Variants in CAST observed in about 807,000 individuals in gnomAD.
The protein encoded by CAST is MIR583 host.
Under a neutral mutation model 119.6 loss-of-function variants are expected in CAST, and 76 were observed. The observed-to-expected ratio is 0.64, with a 90% CI of 0.53 to 0.77. CAST has a LOEUF of 0.77. CAST is among the 30% of genes least tolerant of loss of function. The pLI is 0.00. For missense variants in CAST, 953 were observed against 946.5 expected, an observed-to-expected ratio of 1.01 and a Z score of -0.09; for synonymous variants, 319 against 331.6, an observed-to-expected ratio of 0.96 and a Z score of 0.41.
At chr5:96,479,825 A>G in the CAST span, among the ~76,000 whole-genome samples, 1 of 152,022 alleles carries the variant, frequency 6.6e-6, no homozygotes, top group Non-Finnish European at 1.5e-5. Flanking sequence ...AATTGTAGTA[A>G]ATTATAGGAA....
At chr5:96,238,932 AG>A in the CAST span, among the ~76,000 whole-genome samples, 1 of 152,154 alleles carries the variant, frequency 6.6e-6, no homozygotes, top group Non-Finnish European at 1.5e-5. Context: ...GTGGGTTTCT[AG>A]ACATAGAATT....
chr5:96,283,137 A>AAGAAAAAAG, the CAST span, among the ~76,000 whole-genome samples: 2 of 132,984 alleles, frequency 1.5e-5, 1 homozygote, highest in Non-Finnish European at 3.1e-5. Flanking sequence ...CTCAAAAAAA[A>AAGAAAAAAG]AAAAAAAAGA....
the CAST span, among the ~76,000 whole-genome samples, chr5:96,446,819 A>T: frequency 6.6e-6 from 1 of 152,194 alleles, no homozygotes; most frequent in African/African-American, 2.4e-5. Context: ...CTGGGCTAGA[A>T]AAAAAGAGTT....
the CAST span, among the ~76,000 whole-genome samples, chr5:96,114,869 T>C: frequency 2.6e-5 from 4 of 152,228 alleles, no homozygotes; most frequent in African/African-American, 9.6e-5. Flanking sequence ...CTGTTTTCTC[T>C]GCTCAAGTTT....
chr5:96,188,394 T>C, the CAST span, among the ~76,000 whole-genome samples: 1 of 152,208 alleles, frequency 6.6e-6, no homozygotes, highest in Non-Finnish European at 1.5e-5. Flanking sequence ...ATATGAGTGA[T>C]GATTTTCTTC....
At chr5:96,039,732 A>G in the CAST span, among the ~76,000 whole-genome samples, 1 of 152,126 alleles carries the variant, frequency 6.6e-6, no homozygotes, top group East Asian at 1.9e-4. Context: ...ATTGGTTTAT[A>G]TATCTGTTTT....
the CAST span, chr5:96,110,941 A>G: frequency 6.6e-6 from 1 of 152,178 alleles, no homozygotes; most frequent in Non-Finnish European, 1.5e-5. Flanking sequence ...TAGACCAAGA[A>G]ATTCTCGAGT....
At chr5:96,041,295 C>T in the CAST span, among the ~76,000 whole-genome samples, 1 of 151,996 alleles carries the variant, frequency 6.6e-6, no homozygotes, top group Non-Finnish European at 1.5e-5. Flanking sequence ...GGTCCTCCTC[C>T]CCAAAACTCA....
At chr5:96,069,296 G>T in the CAST span, among the ~76,000 whole-genome samples, 3 of 151,302 alleles carry the variant, frequency 2.0e-5, no homozygotes, top group African/African-American at 7.3e-5. Flanking sequence ...AAGAATTTAA[G>T]ATTTATTTTA....
chr5:96,146,104 C>T, the CAST span, among the ~76,000 whole-genome samples: 1 of 152,096 alleles, frequency 6.6e-6, no homozygotes, highest in Non-Finnish European at 1.5e-5. Context: ...GGTGGAGAAA[C>T]AGATTCCACC....
At chr5:96,148,050 C>T in the CAST span, among the ~76,000 whole-genome samples, 68 of 152,246 alleles carry the variant, frequency 4.5e-4, no homozygotes, top group Non-Finnish European at 8.4e-4. Context: ...TCTTTTCTTA[C>T]GGTGACTTCA....
At chr5:96,432,712 C>T in the CAST span, 3 of 662,790 alleles carry the variant, frequency 4.5e-6, no homozygotes, top group African/African-American at 3.7e-5. Context: ...TCTCTCCAAG[C>T]GCGACAGGGG....
intron 1 of CAST, among the ~76,000 whole-genome samples, chr5:96,651,407 T>C (rs975743175): frequency 6.6e-6 from 1 of 152,220 alleles, no homozygotes; most frequent in Non-Finnish European, 1.5e-5. Flanking sequence ...ACATCATTAC[T>C]TGGTTGTATC....
the CAST span, chr5:96,415,952 A>C: frequency 1.1e-6 from 1 of 887,646 alleles, no homozygotes; most frequent in South Asian, 1.3e-5. Context: ...TTAAAAAGAA[A>C]AGCTCCCCTC....
intron 5 of CAST, among the ~76,000 whole-genome samples, chr5:96,727,216 A>G (rs976102170): frequency 6.6e-6 from 1 of 152,366 alleles, no homozygotes; most frequent in Admixed American, 6.5e-5. Flanking sequence ...AAATAGTAAT[A>G]AATCTTTACA....
chr5:95,986,576 TG>T, the CAST span, among the ~76,000 whole-genome samples: 1 of 152,198 alleles, frequency 6.6e-6, no homozygotes, highest in Non-Finnish European at 1.5e-5. Context: ...TTTAACTTTT[TG>T]TCAGTATTTT....
At chr5:96,399,474 GAGTCTA>G in the CAST span, among the ~76,000 whole-genome samples, 1 of 152,100 alleles carries the variant, frequency 6.6e-6, no homozygotes, top group South Asian at 2.1e-4. Flanking sequence ...GTGCTAGAGG[GAGTCTA>G]AGTAAGTGTA....
At chr5:96,619,829 C>A (rs1388327121) in intron 1 of CAST, among the ~76,000 whole-genome samples, 3 of 152,188 alleles carry the variant, frequency 2.0e-5, no homozygotes, top group African/African-American at 7.2e-5. Flanking sequence ...ATTAGCATTA[C>A]AAGTCCTGCA....
chr5:96,708,437 G>A (rs749153836), intron 3 of CAST, among the ~76,000 whole-genome samples: 8 of 151,346 alleles, frequency 5.3e-5, no homozygotes, highest in Non-Finnish European at 1.0e-4. Context: ...TTTTTCTTTT[G>A]TGTCTTTGAT....
Sources: gnomAD v4.1 joint callset for allele counts (sites outside exome capture counted in the v4.1 genomes callset) on GRCh38, gnomAD v4.1.1 for gene constraint, MANE v1.5 for transcripts, NCBI Gene and HGNC (gene_info 2026-07-23, HGNC 2026-07-21) for gene names.